Variants in DLGAP1 observed in about 807,000 individuals in gnomAD.
DLGAP1 encodes DLG associated protein 1.
A neutral mutation model predicts 90.8 loss-of-function variants in DLGAP1; 11 were observed. That is an observed-to-expected ratio of 0.12 (90% CI 0.08 to 0.20). The LOEUF is 0.20. DLGAP1 is among the 10% of genes least tolerant of loss of function. DLGAP1 has a pLI of 1.00. For synonymous variants in DLGAP1, 558 were observed against 540.7 expected, an observed-to-expected ratio of 1.03 and a Z score of -0.44; for missense variants, 1,050 against 1,333.8, an observed-to-expected ratio of 0.79 and a Z score of 3.31.
intron 3 of DLGAP1, among the ~76,000 whole-genome samples, chr18:3,937,780 C>T (rs777035876): frequency 1.1e-4 from 16 of 152,266 alleles, no homozygotes; most frequent in African/African-American, 2.9e-4. Context: ...TTATTTCACA[C>T]GTGATTCTAG....
intron 2 of DLGAP1, among the ~76,000 whole-genome samples, chr18:4,085,495 A>T (rs2075669550): frequency 6.6e-6 from 1 of 152,222 alleles, no homozygotes; most frequent in Non-Finnish European, 1.5e-5. Flanking sequence ...GGCAAGACTA[A>T]GTTTAGATCT....
At chr18:4,288,673 G>A (rs2079767304) in intron 1 of DLGAP1, among the ~76,000 whole-genome samples, 1 of 152,046 alleles carries the variant, frequency 6.6e-6, no homozygotes, top group African/African-American at 2.4e-5. Flanking sequence ...GAGAAAGAGG[G>A]AGACACTTGA....
At chr18:4,318,938 G>T (rs1205304740) in intron 1 of DLGAP1, among the ~76,000 whole-genome samples, 2 of 152,180 alleles carry the variant, frequency 1.3e-5, no homozygotes, top group Non-Finnish European at 2.9e-5. Context: ...ACAACAAGGT[G>T]ACTATGGTTC....
intron 2 of DLGAP1, among the ~76,000 whole-genome samples, chr18:4,090,015 A>T (rs189529796): frequency 1.1e-4 from 16 of 152,166 alleles, no homozygotes; most frequent in Non-Finnish European, 2.1e-4. Flanking sequence ...GCTGCACTCC[A>T]GCCTGGGTGA....
intron 4 of DLGAP1, among the ~76,000 whole-genome samples, chr18:3,866,420 T>C (rs998766297): frequency 1.3e-5 from 2 of 152,160 alleles, no homozygotes; most frequent in South Asian, 2.1e-4. Context: ...GATTGATTAA[T>C]AGGGAAGGAA....
chr18:3,599,897 G>A (rs1008169783), intron 7 of DLGAP1, among the ~76,000 whole-genome samples: 1 of 151,862 alleles, frequency 6.6e-6, no homozygotes, highest in Non-Finnish European at 1.5e-5. Context: ...GATTACAGGC[G>A]TGAGCCACCA....
intron 11 of DLGAP1, among the ~76,000 whole-genome samples, chr18:3,508,119 C>G (rs1351934406): frequency 6.6e-6 from 1 of 152,182 alleles, no homozygotes; most frequent in East Asian, 1.9e-4. Flanking sequence ...TTGTGATGCC[C>G]TTGACTTCTA....
chr18:4,175,247 G>A (rs934389989), intron 1 of DLGAP1, among the ~76,000 whole-genome samples: 1 of 152,000 alleles, frequency 6.6e-6, no homozygotes, highest in African/African-American at 2.4e-5. Context: ...CATATCCTTT[G>A]CCCCCTTTTT....
chr18:4,024,859 C>T (rs571385148), intron 2 of DLGAP1, among the ~76,000 whole-genome samples: 2 of 152,144 alleles, frequency 1.3e-5, no homozygotes, highest in South Asian at 2.1e-4. Flanking sequence ...CTGTGGTGTT[C>T]GAGAGCCAGA....
At chr18:4,341,822 C>G (rs992002078) in intron 1 of DLGAP1, among the ~76,000 whole-genome samples, 6 of 152,046 alleles carry the variant, frequency 3.9e-5, no homozygotes, top group Admixed American at 3.9e-4. Context: ...GTTTTGTTCT[C>G]AAAGAGTCTT....
intron 1 of DLGAP1, among the ~76,000 whole-genome samples, chr18:4,175,157 ATTT>A (rs1202711451): frequency 6.6e-6 from 1 of 152,118 alleles, no homozygotes; most frequent in Non-Finnish European, 1.5e-5. Flanking sequence ...TTTGATTTGC[ATTT>A]CTCTAATGAC....
intron 1 of DLGAP1, among the ~76,000 whole-genome samples, chr18:4,185,893 C>T (rs1242681237): frequency 6.6e-6 from 1 of 152,158 alleles, no homozygotes; most frequent in South Asian, 2.1e-4. Context: ...CTAGTTTACA[C>T]TCCCAGCAAC....
At chr18:3,980,029 G>A (rs2073691217) in intron 3 of DLGAP1, among the ~76,000 whole-genome samples, 1 of 152,118 alleles carries the variant, frequency 6.6e-6, no homozygotes, top group Admixed American at 6.5e-5. Context: ...CCAGCTACTT[G>A]GGAGGTTGAG....
At chr18:4,230,879 A>T (rs1264231722) in intron 1 of DLGAP1, among the ~76,000 whole-genome samples, 1 of 151,800 alleles carries the variant, frequency 6.6e-6, no homozygotes, top group East Asian at 1.9e-4. Context: ...TATGTCATGT[A>T]TGCCATAAAT....
chr18:4,073,750 G>C (rs902021098), intron 2 of DLGAP1, among the ~76,000 whole-genome samples: 1 of 152,084 alleles, frequency 6.6e-6, no homozygotes, highest in Non-Finnish European at 1.5e-5. Flanking sequence ...GACACTGATA[G>C]GAGAAGATAT....
intron 5 of DLGAP1, among the ~76,000 whole-genome samples, chr18:3,808,631 C>G (rs927787002): frequency 1.3e-5 from 2 of 152,126 alleles, no homozygotes; most frequent in South Asian, 2.1e-4. Context: ...TTGCTATGTT[C>G]CCAATACAGT....
chr18:4,441,750 G>T (rs2083540499), intron 1 of DLGAP1, among the ~76,000 whole-genome samples: 1 of 152,208 alleles, frequency 6.6e-6, no homozygotes, highest in Non-Finnish European at 1.5e-5. Context: ...AAAACCAGAG[G>T]AGGGTATATC....
intron 1 of DLGAP1, among the ~76,000 whole-genome samples, chr18:4,371,368 A>T (rs1459398349): frequency 6.6e-6 from 1 of 152,256 alleles, no homozygotes; most frequent in South Asian, 2.1e-4. Context: ...GGCATTGAGA[A>T]ATCTTGCCTT....
At chr18:4,387,930 TACACACACACACACA>T (rs2082267124) in intron 1 of DLGAP1, among the ~76,000 whole-genome samples, 13 of 123,340 alleles carry the variant, frequency 1.1e-4, no homozygotes, top group East Asian at 2.4e-4. Context: ...CCATCACACA[TACACACACACACACA>T]CACACACACA....
Sources: gnomAD v4.1 joint callset for allele counts (sites outside exome capture counted in the v4.1 genomes callset) on GRCh38, gnomAD v4.1.1 for gene constraint, MANE v1.5 for transcripts, NCBI Gene and HGNC (gene_info 2026-07-23, HGNC 2026-07-21) for gene names.